Variants in SETBP1 observed in about 807,000 individuals in gnomAD.
SETBP1 encodes SET-binding protein.
In SETBP1, 9 loss-of-function variants were observed where a neutral mutation model predicts 101.0. The ratio of observed to expected loss-of-function variants is 0.09; its 90% CI spans 0.05 to 0.16. The LOEUF is 0.16. Among genes scored for constraint, SETBP1 ranks in the 10% least tolerant of loss-of-function variants. The probability of loss-of-function intolerance (pLI) is 1.00; values close to 1 mark genes in which losing one functional copy is unlikely to be tolerated. For synonymous variants in SETBP1, 818 were observed against 788.5 expected, an observed-to-expected ratio of 1.04 and a Z score of -0.63; for missense variants, 1,858 against 2,033.8, an observed-to-expected ratio of 0.91 and a Z score of 1.66.
At chr18:44,908,252 G>T (rs963325009) in intron 3 of SETBP1, among the ~76,000 whole-genome samples, 5 of 151,972 alleles carry the variant, frequency 3.3e-5, no homozygotes, top group African/African-American at 1.2e-4. Context: ...GTGGAGACAG[G>T]GTTTCACCAA....
chr18:44,814,491 A>G (rs188464723), intron 2 of SETBP1, among the ~76,000 whole-genome samples: 19 of 152,364 alleles, frequency 1.2e-4, no homozygotes, highest in Admixed American at 1.1e-3. Context: ...GGCAAAGCAG[A>G]CATACTGTCT....
At chr18:44,765,621 A>G (rs11082406) in intron 2 of SETBP1, among the ~76,000 whole-genome samples, 24,558 of 152,178 alleles carry the variant, frequency 0.16, 2,605 homozygotes, top group East Asian at 0.37. Flanking sequence ...ATTATTAATC[A>G]TGCCCCAATG....
intron 2 of SETBP1, among the ~76,000 whole-genome samples, chr18:44,828,677 G>A (rs1390224995): frequency 3.3e-5 from 5 of 152,202 alleles, no homozygotes; most frequent in African/African-American, 1.2e-4. Flanking sequence ...AGGAAATTGT[G>A]TTCCCTTCCA....
chr18:44,871,511 A>G (rs2069273517), intron 3 of SETBP1: 1 of 152,062 alleles, frequency 6.6e-6, no homozygotes, highest in South Asian at 2.1e-4. Flanking sequence ...GTGCCCACTT[A>G]CCACTTGAAT....
At chr18:44,823,857 G>C (rs1256470248) in intron 2 of SETBP1, among the ~76,000 whole-genome samples, 1 of 152,174 alleles carries the variant, frequency 6.6e-6, no homozygotes, top group East Asian at 1.9e-4. Flanking sequence ...GTAAGTTCTT[G>C]AGGTGAGCAG....
chr18:44,744,788 A>AC (rs1301274454), intron 2 of SETBP1, among the ~76,000 whole-genome samples: 1 of 151,444 alleles, frequency 6.6e-6, no homozygotes, highest in Non-Finnish European at 1.5e-5. Context: ...AAAAACAAAA[A>AC]AAAAAACGCT....
chr18:44,949,893 C>T lies in SETBP1; in HGVS notation c.553C>T (p.Pro185Ser). ...KGFQPQAYERPQKHSTLHYDT... is the reference protein window; with the variant it reads ...KGFQPQAYERSQKHSTLHYDT... ...CACCCACCCTTAGGCTTACGAGAGG[C>T]CCCAGAAACATTCAACTCTCCATTA... is the stretch of plus-strand genomic sequence containing the variant. Residue 185 changes from proline (P) to serine (S), a missense_variant, in exon 4 of 6, where the codon CCC becomes TCC. Pro to Ser is a moderately conservative substitution (Grantham distance 74). Transcript: ENST00000649279. 2 of 1,613,308 alleles carry T rather than the reference C, an allele frequency of 1.2e-6. No individual in the cohort carries two copies. Among genetic ancestry groups the T allele is most frequent in the Non-Finnish European group, 1.7e-6 (2 of 1,179,938 alleles).
At position 44,942,226 on chromosome 18, in the gene SETBP1, A is replaced by T. The variant is rs567913895; in HGVS notation, c.541-7655A>T. Among the ~76,000 whole-genome samples, 92 of 152,208 alleles carry T rather than the reference A, an allele frequency of 6.0e-4. No homozygotes were observed. The South Asian group carries it at 0.018, about 30-fold the overall frequency. ...CTGAGATCTCAGCTGAATGCCTGGG[A>T]TATTCATTGAAGCCTCCCCACTCTG... On this transcript the variant is annotated intron_variant, in intron 3 of 5. Coordinates refer to ENST00000649279, the MANE Select transcript of SETBP1 (RefSeq NM_015559.3).
At chr18:44,909,574 G>A (rs2070255419) in intron 3 of SETBP1, among the ~76,000 whole-genome samples, 1 of 152,148 alleles carries the variant, frequency 6.6e-6, no homozygotes, top group African/African-American at 2.4e-5. Context: ...TCAAACCACA[G>A]CTTTTTCTCT....
At chr18:44,987,796 T>C (rs187170955) in intron 4 of SETBP1, 2 of 152,366 alleles carry the variant, frequency 1.3e-5, no homozygotes, top group East Asian at 3.9e-4. Flanking sequence ...TATTATGTTG[T>C]AGCACAGCAG....
At chr18:45,005,476 G>A (rs2072703970) in intron 4 of SETBP1, among the ~76,000 whole-genome samples, 1 of 152,078 alleles carries the variant, frequency 6.6e-6, no homozygotes, top group Admixed American at 6.5e-5. Context: ...GGATAAAAGA[G>A]GAGTTGTGAA....
intron 4 of SETBP1, among the ~76,000 whole-genome samples, chr18:44,984,604 A>T (rs1479736303): frequency 6.6e-6 from 1 of 152,136 alleles, no homozygotes; most frequent in Non-Finnish European, 1.5e-5. Flanking sequence ...CTACAGAATG[A>T]TGTACAATGA....
chr18:44,876,942 G>T (rs2069420163), intron 3 of SETBP1: 1 of 1,318,006 alleles, frequency 7.6e-7, no homozygotes, highest in Non-Finnish European at 9.7e-7. Flanking sequence ...TCACAATGCT[G>T]CCCTGAAGAG....
chr18:44,984,699 C>A (rs372543339), intron 4 of SETBP1, among the ~76,000 whole-genome samples: 1 of 152,138 alleles, frequency 6.6e-6, no homozygotes, highest in East Asian at 1.9e-4. Flanking sequence ...ATTTTTCTGT[C>A]ATGTTGCCTG....
intron 3 of SETBP1, among the ~76,000 whole-genome samples, chr18:44,925,732 C>A (rs1024704830): frequency 3.9e-5 from 6 of 152,214 alleles, no homozygotes; most frequent in Admixed American, 6.5e-5. Flanking sequence ...TTCTCTCAAC[C>A]AAGCAATAAC....
chr18:44,715,199 GC>G lies in SETBP1; in HGVS notation c.486+13370del, dbSNP rs1599025097. 4.6e-5 allele frequency among the ~76,000 whole-genome samples: 7 copies of G among 152,268 alleles called. No individual in the cohort carries two copies. The East Asian group carries it at 1.3e-3, about 29-fold the overall frequency. On this transcript the variant is annotated intron_variant, in intron 2 of 5. Coordinates refer to ENST00000649279, the MANE Select transcript of SETBP1 (RefSeq NM_015559.3). ...CTCACCTGGTTGTTTCTGCTGCTTG[GC>G]CCTGGCTGTGGGTAAACTCCAGCAC...
chr18:45,006,585 G>T (rs1480276126), intron 4 of SETBP1, among the ~76,000 whole-genome samples: 1 of 152,164 alleles, frequency 6.6e-6, no homozygotes, highest in African/African-American at 2.4e-5. Flanking sequence ...GCTTATGTAT[G>T]CATCGCCCCT....
rs2073928542 is a variant in SETBP1, at chr18:45,063,641, G to A, written c.4734G>A (p.Glu1578=). 1.9e-6 allele frequency: 3 copies of A among 1,607,428 alleles called. No individual in the cohort carries two copies. Among genetic ancestry groups the A allele is most frequent in the East Asian group, 4.5e-5 (2 of 44,634 alleles). Reference sequence around the variant, plus strand: ...AGCAGCCCCTTCCCCAGGAAGAGGAGGTGAAAGCCAAAAGGCAGAGGAAGT... The same window carrying A: ...AGCAGCCCCTTCCCCAGGAAGAGGAAGTGAAAGCCAAAAGGCAGAGGAAGT... ...PPQQPLPQEE[E]VKAKRQRKSR... The change falls in exon 6 of 6, where the codon GAG becomes GAA. Residue 1578 remains glutamate (E), a synonymous_variant. Transcript: ENST00000649279.
At position 44,869,138 on chromosome 18, in the gene SETBP1, G is replaced by C. The variant is rs76173341; in HGVS notation, c.487-92G>C. On this transcript the variant is annotated intron_variant, in intron 2 of 5. Transcript: ENST00000649279. ...TCCCACTTCTGTAGCTCTCATCCAG[G>C]CTATGGTAAGTCCATTGCTGGTCAG... The C allele has an allele frequency of 2.9e-4, 326 of 1,121,988 alleles. 2 individuals carry two copies. In the African/African-American group the frequency reaches 4.5e-3, roughly 15 times the overall value. The allele number at this position is 1,121,988 out of a possible 1,614,324, so 69.5% of individuals were successfully genotyped here.
Sources: allele counts gnomAD v4.1 joint callset (sites outside exome capture counted in the v4.1 genomes callset), GRCh38; gene constraint gnomAD v4.1.1; transcripts MANE v1.5; gene names NCBI Gene and HGNC (gene_info 2026-07-23, HGNC 2026-07-21).